RAB9B: variants seen among roughly 807,000 people sequenced by gnomAD.
The protein encoded by RAB9B is ras-related protein Rab-9B.
RAB9B carries 1 observed loss-of-function variant against 8.9 expected under a neutral mutation model. The ratio of observed to expected loss-of-function variants is 0.11; its 90% CI spans 0.04 to 0.53. RAB9B has a LOEUF of 0.53. RAB9B is among the 20% of genes least tolerant of loss of function. RAB9B has a pLI of 0.93. For synonymous variants in RAB9B, 63 were observed against 57.0 expected, an observed-to-expected ratio of 1.10 and a Z score of -0.47; for missense variants, 82 against 152.9, an observed-to-expected ratio of 0.54 and a Z score of 2.45.
chrX:103,788,292 G>T, the RAB9B span: 3 of 564,608 alleles, frequency 5.3e-6, no homozygotes, highest in Admixed American at 4.8e-5. Context: ...TTGTAAACCT[G>T]TAGAAAAGAG....
chrX:103,828,309 A>ACTC (rs1392041910), intron 1 of RAB9B, among the ~76,000 whole-genome samples: 2 of 111,946 alleles, frequency 1.8e-5, no homozygotes, highest in Non-Finnish European at 3.8e-5. Flanking sequence ...GTTTATATAC[A>ACTC]CTCTACAGAA....
chrX:103,807,499 C>T, the RAB9B span, among the ~76,000 whole-genome samples: 1 of 112,270 alleles, frequency 8.9e-6, no homozygotes, highest in Non-Finnish European at 1.9e-5. Context: ...CCCCACTCCT[C>T]CCATAATAAG....
chrX:103,817,524 C>T (rs62593027), downstream of RAB9B, among the ~76,000 whole-genome samples: 29,681 of 108,651 alleles, frequency 0.27, 3,115 homozygotes, highest in East Asian at 0.35. Flanking sequence ...CACGTGTATA[C>T]CTATGTTACA....
intron 2 of RAB9B, 94 bp downstream of exon 2, chrX:103,826,911 A>G (rs1249073991): frequency 8.9e-6 from 1 of 111,762 alleles, no homozygotes; most frequent in Non-Finnish European, 1.9e-5. Context: ...TGGAATGCCT[A>G]TGTACTAGCT....
At chrX:103,812,044 A>C in the RAB9B span, among the ~76,000 whole-genome samples, 12 of 109,117 alleles carry the variant, frequency 1.1e-4, no homozygotes, top group Non-Finnish European at 2.3e-4. Flanking sequence ...CCCAGGCTGG[A>C]GTGCAGTGGC....
the RAB9B span, among the ~76,000 whole-genome samples, chrX:103,799,129 G>A: frequency 5.5e-5 from 6 of 109,056 alleles, no homozygotes; most frequent in African/African-American, 1.7e-4. Context: ...TAAAGCATAT[G>A]TTTAATATAT....
At chrX:103,797,819 C>A in the RAB9B span, among the ~76,000 whole-genome samples, 1,313 of 111,731 alleles carry the variant, frequency 0.012, 23 homozygotes, top group African/African-American at 0.04. Flanking sequence ...TAGTACCTGC[C>A]AAAAACTCCA....
the RAB9B span, among the ~76,000 whole-genome samples, chrX:103,798,700 G>A: frequency 9.4e-6 from 1 of 106,087 alleles, no homozygotes; most frequent in African/African-American, 3.5e-5. Context: ...TGGAGTGTAG[G>A]GGTGCGATCT....
the RAB9B span, among the ~76,000 whole-genome samples, chrX:103,816,294 G>C: frequency 6.3e-5 from 7 of 111,459 alleles, no homozygotes; most frequent in Non-Finnish European, 5.6e-5. Flanking sequence ...ACCACCATCT[G>C]ATCTTTGGCA....
the RAB9B span, chrX:103,787,082 T>G: frequency 3.3e-5 from 8 of 242,914 alleles, no homozygotes; most frequent in Admixed American, 6.2e-5. Context: ...ATGCTGCTCA[T>G]GTGATTGAGA....
downstream of RAB9B, among the ~76,000 whole-genome samples, chrX:103,817,466 A>T (rs2074643787): frequency 9.1e-6 from 1 of 110,337 alleles, no homozygotes; most frequent in African/African-American, 3.3e-5. Flanking sequence ...CATTAGGAGA[A>T]CTACCTAATG....
At chrX:103,826,446 A>AT (rs1390637234) in intron 2 of RAB9B, among the ~76,000 whole-genome samples, 2 of 112,094 alleles carry the variant, frequency 1.8e-5, no homozygotes, top group African/African-American at 6.5e-5. Flanking sequence ...GAACAATGGC[A>AT]TTTAAGTTGA....
chrX:103,803,751 T>C, the RAB9B span, among the ~76,000 whole-genome samples: 3 of 112,077 alleles, frequency 2.7e-5, no homozygotes, highest in Non-Finnish European at 5.6e-5. Flanking sequence ...CTAATTTTTG[T>C]ATTTTTAGTA....
At chrX:103,781,373 A>G in the RAB9B span, 1 of 300,446 alleles carries the variant, frequency 3.3e-6, no homozygotes, top group East Asian at 1.0e-4. Flanking sequence ...AGAAGGGCTT[A>G]AAGTTGGAGT....
chrX:103,786,294 T>C, the RAB9B span: 2 of 1,100,807 alleles, frequency 1.8e-6, no homozygotes, highest in Non-Finnish European at 2.5e-6. Flanking sequence ...TCTTCACTTA[T>C]TTCAACAAAG....
chrX:103,782,772 T>C, the RAB9B span, among the ~76,000 whole-genome samples: 2 of 87,894 alleles, frequency 2.3e-5, no homozygotes, highest in Non-Finnish European at 4.4e-5. Flanking sequence ...AGTCCTGCCA[T>C]TGTTCCCTGA....
At chrX:103,821,620 T>A (rs2074661138), downstream of RAB9B, among the ~76,000 whole-genome samples, 1 of 112,291 alleles carries the variant, frequency 8.9e-6, no homozygotes, top group Admixed American at 9.5e-5. Context: ...ACAAAATTAT[T>A]CTTTGCTTTT....
At chrX:103,804,191 G>A in the RAB9B span, among the ~76,000 whole-genome samples, 1 of 111,916 alleles carries the variant, frequency 8.9e-6, no homozygotes, top group African/African-American at 3.2e-5. Context: ...TGAGGCAGGA[G>A]TCCAATTTCA....
downstream of RAB9B, among the ~76,000 whole-genome samples, chrX:103,820,983 T>TAC (rs1191042577): frequency 0.21 from 4,406 of 20,841 alleles, 112 homozygotes; most frequent in Non-Finnish European, 0.26. Context: ...CACACACACA[T>TAC]ACACACACAC....
Sources: allele counts gnomAD v4.1 joint callset (sites outside exome capture counted in the v4.1 genomes callset), GRCh38; gene constraint gnomAD v4.1.1; transcripts MANE v1.5; gene names NCBI Gene and HGNC (gene_info 2026-07-23, HGNC 2026-07-21).